EFNA5: variants seen among roughly 807,000 people sequenced by gnomAD.
The protein encoded by EFNA5 is ephrin A5, also known as ephrin-A5.
Under a neutral mutation model 22.9 loss-of-function variants are expected in EFNA5, and 5 were observed. That is an observed-to-expected ratio of 0.22 (90% CI 0.11 to 0.46). The LOEUF is 0.46. EFNA5 is among the 20% of genes least tolerant of loss of function. The pLI, the probability that EFNA5 is intolerant of heterozygous loss-of-function variation, is 0.99. For missense variants in EFNA5, 237 were observed against 293.3 expected (o/e 0.81, Z 1.40); for synonymous variants, 113 against 112.2 (o/e 1.01, Z -0.04).
intron 1 of EFNA5, among the ~76,000 whole-genome samples, chr5:107,555,867 G>A (rs868227924): frequency 6.6e-6 from 1 of 152,190 alleles, no homozygotes; most frequent in South Asian, 2.1e-4. Flanking sequence ...AGCAGGATGA[G>A]CTTCCCTTAG....
intron 2 of EFNA5, among the ~76,000 whole-genome samples, chr5:107,390,267 T>C (rs982933706): frequency 6.6e-6 from 1 of 152,238 alleles, no homozygotes. Context: ...GGCTTTCCTC[T>C]ATGTTATGCT....
intron 1 of EFNA5, among the ~76,000 whole-genome samples, chr5:107,466,521 AAATCT>A (rs1328685621): frequency 6.6e-6 from 1 of 152,172 alleles, no homozygotes; most frequent in East Asian, 1.9e-4. Flanking sequence ...TCACGGGGCC[AAATCT>A]GGGTGAATGG....
At chr5:107,443,869 A>G (rs899575169) in intron 1 of EFNA5, among the ~76,000 whole-genome samples, 7 of 152,204 alleles carry the variant, frequency 4.6e-5, no homozygotes, top group Admixed American at 4.6e-4. Flanking sequence ...CCAGAACTTA[A>G]AGTAAAATGT....
intron 1 of EFNA5, among the ~76,000 whole-genome samples, chr5:107,443,058 C>T (rs981877787): frequency 1.5e-5 from 2 of 137,098 alleles, no homozygotes; most frequent in Non-Finnish European, 3.1e-5. Flanking sequence ...GTACAGGTTT[C>T]TCCCTGTCTG....
At chr5:107,411,204 CTT>C (rs1329488007) in intron 2 of EFNA5, among the ~76,000 whole-genome samples, 1 of 152,192 alleles carries the variant, frequency 6.6e-6, no homozygotes, top group African/African-American at 2.4e-5. Flanking sequence ...TAAATCTTCT[CTT>C]TGTTTTGAAC....
intron 1 of EFNA5, among the ~76,000 whole-genome samples, chr5:107,653,257 T>A (rs1225047344): frequency 2.0e-5 from 3 of 152,118 alleles, no homozygotes; most frequent in Non-Finnish European, 4.4e-5. Context: ...TTGTGTACCT[T>A]AAACTTCACT....
chr5:107,644,373 T>C (rs985034966), intron 1 of EFNA5, among the ~76,000 whole-genome samples: 1 of 152,150 alleles, frequency 6.6e-6, no homozygotes, highest in South Asian at 2.1e-4. Flanking sequence ...AATCATTATG[T>C]AGAAAAAAAT....
intron 1 of EFNA5, among the ~76,000 whole-genome samples, chr5:107,569,567 A>ATATATATATATATATATATATATT (rs1748746114): frequency 4.7e-5 from 1 of 21,326 alleles, no homozygotes; most frequent in African/African-American, 1.2e-4. Flanking sequence ...ATTTATATAT[A>ATATATATATATATATATATATATT]TATATATATA....
intron 1 of EFNA5, among the ~76,000 whole-genome samples, chr5:107,641,978 T>C (rs1028292688): frequency 4.6e-5 from 7 of 152,092 alleles, no homozygotes; most frequent in African/African-American, 1.7e-4. Flanking sequence ...CAGTCAAAAC[T>C]GTCAAAAAAG....
chr5:107,524,723 C>T (rs890829066), intron 1 of EFNA5, among the ~76,000 whole-genome samples: 7 of 152,026 alleles, frequency 4.6e-5, no homozygotes, highest in African/African-American at 1.7e-4. Context: ...CTTGATATCC[C>T]CTCAGGCCTA....
chr5:107,559,438 C>T (rs2112475817), intron 1 of EFNA5, among the ~76,000 whole-genome samples: 1 of 152,264 alleles, frequency 6.6e-6, no homozygotes, highest in African/African-American at 2.4e-5. Flanking sequence ...TGAATATTTA[C>T]TGACAGGATG....
intron 1 of EFNA5, among the ~76,000 whole-genome samples, chr5:107,622,143 G>A (rs970890811): frequency 4.7e-4 from 71 of 152,254 alleles, no homozygotes; most frequent in African/African-American, 1.7e-3. Flanking sequence ...CTACTAGAGG[G>A]AGGGAACATG....
At chr5:107,492,256 A>T (rs1746826459) in intron 1 of EFNA5, among the ~76,000 whole-genome samples, 1 of 152,106 alleles carries the variant, frequency 6.6e-6, no homozygotes, top group Admixed American at 6.6e-5. Flanking sequence ...TCTAACCTTT[A>T]AAAAAAATAT....
At chr5:107,528,958 T>C (rs1448981230) in intron 1 of EFNA5, among the ~76,000 whole-genome samples, 1 of 152,216 alleles carries the variant, frequency 6.6e-6, no homozygotes. Flanking sequence ...AAGAAAGTAT[T>C]ACTTTCATGA....
intron 2 of EFNA5, among the ~76,000 whole-genome samples, chr5:107,410,327 G>C (rs553476775): frequency 3.9e-5 from 6 of 152,302 alleles, no homozygotes; most frequent in African/African-American, 1.4e-4. Context: ...GAGAACACTA[G>C]TCTGTATATG....
At chr5:107,460,590 A>C (rs1749812198) in intron 1 of EFNA5, among the ~76,000 whole-genome samples, 1 of 152,180 alleles carries the variant, frequency 6.6e-6, no homozygotes, top group South Asian at 2.1e-4. Flanking sequence ...TTTGGTAAAA[A>C]ATAAATTTGA....
intron 4 of EFNA5, among the ~76,000 whole-genome samples, chr5:107,386,002 A>G (rs1747608616): frequency 6.6e-6 from 1 of 152,102 alleles, no homozygotes; most frequent in Non-Finnish European, 1.5e-5. Context: ...TTAACAGGAA[A>G]GCTATTGTAT....
intron 2 of EFNA5, among the ~76,000 whole-genome samples, chr5:107,404,006 A>C (rs1019431532): frequency 3.9e-5 from 6 of 152,258 alleles, no homozygotes; most frequent in Non-Finnish European, 5.9e-5. Context: ...AAAATAGCCC[A>C]GAATCATATA....
chr5:107,472,571 T>A (rs1374629413), intron 1 of EFNA5, among the ~76,000 whole-genome samples: 2 of 152,198 alleles, frequency 1.3e-5, no homozygotes, highest in Non-Finnish European at 2.9e-5. Context: ...TTGAAGACTT[T>A]AGTCATTAAT....
Sources: gnomAD v4.1 joint callset for allele counts (sites outside exome capture counted in the v4.1 genomes callset) on GRCh38, gnomAD v4.1.1 for gene constraint, MANE v1.5 for transcripts, NCBI Gene and HGNC (gene_info 2026-07-23, HGNC 2026-07-21) for gene names.